The following RGS6 variants were observed in gnomAD, a reference collection of about 807,000 sequenced individuals.
The protein encoded by RGS6 is regulator of G-protein signaling 6.
RGS6 carries 30 observed loss-of-function variants against 78.5 expected under a neutral mutation model. That is an observed-to-expected ratio of 0.38 (90% CI 0.29 to 0.52). RGS6 has a LOEUF of 0.52. Among genes scored for constraint, RGS6 ranks in the 20% least tolerant of loss-of-function variants. The pLI, the probability that RGS6 is intolerant of heterozygous loss-of-function variation, is 0.85. For synonymous variants in RGS6, 206 were observed against 206.0 expected (o/e 1.00, Z 0.00); for missense variants, 495 against 609.7 (o/e 0.81, Z 1.98).
At chr14:71,871,502 AT>A in the RGS6 span, among the ~76,000 whole-genome samples, 1 of 151,882 alleles carries the variant, frequency 6.6e-6, no homozygotes, top group Non-Finnish European at 1.5e-5. Flanking sequence ...CTTTGATCTG[AT>A]TTTTTTCCCT....
At position 72,025,114 on chromosome 14, in the gene RGS6, C is replaced by T. The variant is rs1014167701; in HGVS notation, c.84+60239C>T. Among the ~76,000 whole-genome samples the T allele has an allele frequency of 5.3e-5, 8 of 152,238 alleles. No homozygotes were observed. In the South Asian group the frequency reaches 1.0e-3, roughly 20 times the overall value. ...GACAGAAAGAGGGAGTTTGAGAGAG[C>T]GAATGAGTTAAATCCTAAGTAGACC... On this transcript the variant is annotated intron_variant, in intron 2 of 17. Coordinates refer to ENST00000553525, the MANE Select transcript of RGS6 (RefSeq NM_001204424.2).
At chr14:71,886,788 C>G in the RGS6 span, among the ~76,000 whole-genome samples, 2 of 152,178 alleles carry the variant, frequency 1.3e-5, no homozygotes, top group Non-Finnish European at 2.9e-5. Context: ...AAGGGCATAT[C>G]AGTTAGAGAT....
At chr14:72,348,687 T>C (rs1396014057) in intron 2 of RGS6, among the ~76,000 whole-genome samples, 1 of 152,224 alleles carries the variant, frequency 6.6e-6, no homozygotes, top group Non-Finnish European at 1.5e-5. Context: ...TGGATGGTAA[T>C]AAATTGAATT....
At chr14:72,093,000 G>C (rs961808179) in intron 2 of RGS6, among the ~76,000 whole-genome samples, 2 of 151,486 alleles carry the variant, frequency 1.3e-5, no homozygotes, top group Non-Finnish European at 2.9e-5. Flanking sequence ...GACTTGCCTT[G>C]TTTCCATTAT....
At chr14:72,174,361 G>A (rs934964786) in intron 2 of RGS6, among the ~76,000 whole-genome samples, 1 of 152,154 alleles carries the variant, frequency 6.6e-6, no homozygotes, top group Non-Finnish European at 1.5e-5. Context: ...GCCACCCAAA[G>A]TGCTGGGATT....
At chr14:72,162,891 A>G (rs141419171) in intron 2 of RGS6, among the ~76,000 whole-genome samples, 380 of 152,314 alleles carry the variant, frequency 2.5e-3, no homozygotes, top group African/African-American at 8.4e-3. Flanking sequence ...GAATAATGGC[A>G]TTTGCAGCAA....
At chr14:72,042,781 TG>T (rs1284945462) in intron 2 of RGS6, among the ~76,000 whole-genome samples, 1 of 152,186 alleles carries the variant, frequency 6.6e-6, no homozygotes, top group Admixed American at 6.5e-5. Context: ...ATTATAAATA[TG>T]GGGCCATGAA....
chr14:72,109,400 C>CT (rs2095704475), intron 2 of RGS6, among the ~76,000 whole-genome samples: 1 of 152,184 alleles, frequency 6.6e-6, no homozygotes, highest in African/African-American at 2.4e-5. Context: ...TGTGTCACTG[C>CT]TACCACTGCC....
the RGS6 span, among the ~76,000 whole-genome samples, chr14:71,869,392 G>T: frequency 2.1e-3 from 320 of 152,304 alleles, 1 homozygote; most frequent in African/African-American, 7.4e-3. Flanking sequence ...TGACTACCAT[G>T]ACTGTGATTC....
chr14:72,251,506 A>G (rs994648623), intron 2 of RGS6, among the ~76,000 whole-genome samples: 3 of 152,180 alleles, frequency 2.0e-5, no homozygotes, highest in Non-Finnish European at 4.4e-5. Context: ...AATTTCTTTC[A>G]ATTCAAAAGT....
intron 2 of RGS6, among the ~76,000 whole-genome samples, chr14:72,238,481 C>A (rs987102802): frequency 6.6e-6 from 1 of 152,198 alleles, no homozygotes; most frequent in South Asian, 2.1e-4. Context: ...CCCTTCCCCC[C>A]AAGCATTGCT....
intron 2 of RGS6, among the ~76,000 whole-genome samples, chr14:72,106,306 A>G (rs1402581442): frequency 6.6e-6 from 1 of 152,240 alleles, no homozygotes; most frequent in Non-Finnish European, 1.5e-5. Context: ...TCTCCAGATC[A>G]GCATTGCCTT....
chr14:72,326,889 A>G (rs770748317), intron 2 of RGS6, among the ~76,000 whole-genome samples: 75 of 152,110 alleles, frequency 4.9e-4, no homozygotes, highest in Non-Finnish European at 2.6e-4. Flanking sequence ...TTGTATTTTT[A>G]ATAGAGATGG....
intron 2 of RGS6, among the ~76,000 whole-genome samples, chr14:72,055,923 AAGTT>A (rs577519542): frequency 1.3e-5 from 2 of 152,162 alleles, no homozygotes; most frequent in African/African-American, 4.8e-5. Flanking sequence ...AATTCAATAA[AAGTT>A]AGTATGGGCT....
chr14:72,523,889 C>T (rs980890185), intron 15 of RGS6, among the ~76,000 whole-genome samples: 8 of 152,242 alleles, frequency 5.3e-5, no homozygotes, highest in Admixed American at 3.9e-4. Flanking sequence ...CTGTTCCCAA[C>T]CATGTGGCCT....
At chr14:72,416,745 G>T (rs2093841234) in intron 3 of RGS6, among the ~76,000 whole-genome samples, 1 of 152,180 alleles carries the variant, frequency 6.6e-6, no homozygotes, top group Admixed American at 6.5e-5. Context: ...CTGTCTCTCT[G>T]AGCTCTCTAA....
At chr14:71,964,679 G>A (rs952358501) in intron 1 of RGS6, 93 bp from the exon 2 acceptor site, 25 of 802,090 alleles carry the variant, frequency 3.1e-5, no homozygotes, top group Admixed American at 7.8e-5. Context: ...TTTGTTCATG[G>A]CATCTGCCAA....
the RGS6 span, among the ~76,000 whole-genome samples, chr14:72,621,140 C>CAA: frequency 3.3e-5 from 4 of 122,054 alleles, no homozygotes; most frequent in Admixed American, 1.6e-4. Context: ...GACTCTGTCT[C>CAA]AAAAAAAAAA....
At chr14:72,181,805 ACT>A (rs2097176443) in intron 2 of RGS6, among the ~76,000 whole-genome samples, 1 of 152,208 alleles carries the variant, frequency 6.6e-6, no homozygotes, top group African/African-American at 2.4e-5. Flanking sequence ...TTGAGTACCT[ACT>A]ATGTGCCTAA....
Sources: gnomAD v4.1 joint callset for allele counts (sites outside exome capture counted in the v4.1 genomes callset) on GRCh38, gnomAD v4.1.1 for gene constraint, MANE v1.5 for transcripts, NCBI Gene and HGNC (gene_info 2026-07-23, HGNC 2026-07-21) for gene names.